Variants in PRKCA observed in about 807,000 individuals in gnomAD.
PRKCA encodes protein kinase C alpha.
PRKCA carries 27 observed loss-of-function variants against 87.0 expected under a neutral mutation model. That is an observed-to-expected ratio of 0.31 (90% CI 0.23 to 0.43). PRKCA has a LOEUF of 0.43. Ranked by LOEUF, PRKCA falls within the 20% of genes least tolerant of loss-of-function variation. PRKCA has a pLI of 1.00. For missense variants in PRKCA, 518 were observed against 852.3 expected, an observed-to-expected ratio of 0.61 and a Z score of 4.88; for synonymous variants, 329 against 311.1, an observed-to-expected ratio of 1.06 and a Z score of -0.61.
rs60533049 is a variant in PRKCA, at chr17:66,528,221, CAAA to C, written c.288+31959_288+31961del. 2.8e-3 allele frequency among the ~76,000 whole-genome samples: 238 copies of C among 85,878 alleles called. 2 individuals are homozygous for C. Among genetic ancestry groups the C allele is most frequent in the South Asian group, 0.023 (60 of 2,650 alleles). The allele number at this position is 85,878 out of a possible 152,430, so 56.3% of individuals were successfully genotyped here. ...TGACAGAGCAAACGAAACTCTGTCT[CAAA>C]AAAAAAAAAAAAAAAAAAAAGATGC... On this transcript the variant is annotated intron_variant, in intron 3 of 16. Coordinates refer to ENST00000413366, the MANE Select transcript of PRKCA (RefSeq NM_002737.3).
chr17:66,458,572 C>G, intron 2 of PRKCA, among the ~76,000 whole-genome samples: 1 of 152,064 alleles, frequency 6.6e-6, no homozygotes, highest in African/African-American at 2.4e-5. Context: ...CCTCCACTTC[C>G]TGGGCTCAAG....
At chr17:66,355,493 G>A (rs117488476) in intron 2 of PRKCA, among the ~76,000 whole-genome samples, 4,019 of 152,092 alleles carry the variant, frequency 0.026, 61 homozygotes, top group Non-Finnish European at 0.04. Context: ...CGGGTGCATG[G>A]GTGTGTGTTA....
At chr17:66,751,842 A>G (rs1055973616) in intron 13 of PRKCA, among the ~76,000 whole-genome samples, 1 of 152,210 alleles carries the variant, frequency 6.6e-6, no homozygotes, top group Non-Finnish European at 1.5e-5. Context: ...GGAAGCAGGC[A>G]CATCTTCCAT....
At chr17:66,652,358 A>G (rs1971611199) in intron 5 of PRKCA, among the ~76,000 whole-genome samples, 1 of 152,190 alleles carries the variant, frequency 6.6e-6, no homozygotes, top group South Asian at 2.1e-4. Flanking sequence ...AGCTGTAAAG[A>G]ACATTTTGGG....
intron 2 of PRKCA, chr17:66,416,726 ACT>A (rs1912175579): frequency 6.6e-6 from 1 of 152,096 alleles, no homozygotes; most frequent in South Asian, 2.1e-4. Flanking sequence ...TGGCAGCCTG[ACT>A]CTGAAGCCTG....
intron 3 of PRKCA, among the ~76,000 whole-genome samples, chr17:66,536,487 T>C (rs1462568029): frequency 6.6e-6 from 1 of 152,198 alleles, no homozygotes; most frequent in Non-Finnish European, 1.5e-5. Context: ...GATTAAAATA[T>C]CTGAAATATT....
intron 8 of PRKCA, among the ~76,000 whole-genome samples, chr17:66,715,863 C>G (rs1267906079): frequency 2.0e-5 from 3 of 152,126 alleles, no homozygotes; most frequent in Non-Finnish European, 4.4e-5. Context: ...AAGATCCCAG[C>G]CAAACTGCAG....
chr17:66,687,225 T>C lies in PRKCA; in HGVS notation c.644T>C (p.Ile215Thr). The C allele has an allele frequency of 6.2e-7, 1 of 1,614,058 alleles. No homozygotes were observed. The highest frequency in any genetic ancestry group is 8.5e-7 in the Non-Finnish European group (1 of 1,179,994). ...KNESKQKTKT[I>T]RSTLNPQWNE... ...GAAAGCAAGCAAAAAACCAAAACCA[T>C]CCGCTCCACACTAAATCCGCAGTGG... Residue 215 changes from isoleucine to threonine, a missense_variant, in exon 6 of 17, where the codon ATC becomes ACC. Ile to Thr is a moderately conservative substitution (Grantham distance 89). Transcript: ENST00000413366.
chr17:66,562,681 C>G (rs1055779461), intron 3 of PRKCA, among the ~76,000 whole-genome samples: 2 of 152,064 alleles, frequency 1.3e-5, no homozygotes, highest in African/African-American at 4.8e-5. Context: ...ACTGCAACCT[C>G]CATCTCCTGG....
chr17:66,698,977 TAAAAA>T (rs927919953), intron 8 of PRKCA, among the ~76,000 whole-genome samples: 1 of 148,402 alleles, frequency 6.7e-6, no homozygotes, highest in Non-Finnish European at 1.5e-5. Context: ...GAGACTGTCT[TAAAAA>T]AAAGAAAAAA....
At chr17:66,328,061 G>A (rs1906091988) in intron 2 of PRKCA, among the ~76,000 whole-genome samples, 1 of 152,190 alleles carries the variant, frequency 6.6e-6, no homozygotes, top group African/African-American at 2.4e-5. Context: ...CGTCTCTCCT[G>A]AGAAGATAAC....
intron 3 of PRKCA, among the ~76,000 whole-genome samples, chr17:66,594,513 A>G (rs1969913413): frequency 6.6e-6 from 1 of 152,186 alleles, no homozygotes. Flanking sequence ...AATGAAGGGC[A>G]AACTCAGGCA....
intron 2 of PRKCA, among the ~76,000 whole-genome samples, chr17:66,352,919 A>G (rs1464125302): frequency 6.6e-6 from 1 of 152,088 alleles, no homozygotes; most frequent in Non-Finnish European, 1.5e-5. Context: ...TGGTATATGA[A>G]GGGTGTTCTT....
At chr17:66,349,963 TA>T (rs139309260) in intron 2 of PRKCA, among the ~76,000 whole-genome samples, 2 of 150,636 alleles carry the variant, frequency 1.3e-5, no homozygotes, top group Admixed American at 6.6e-5. Flanking sequence ...TTACAGAGGT[TA>T]AAAAAAAAGT....
intron 8 of PRKCA, among the ~76,000 whole-genome samples, chr17:66,698,534 A>G (rs1414107514): frequency 1.3e-5 from 2 of 152,334 alleles, no homozygotes; most frequent in African/African-American, 4.8e-5. Context: ...CAGCTCATTT[A>G]TAATTACCAA....
intron 2 of PRKCA, among the ~76,000 whole-genome samples, chr17:66,437,836 C>T (rs1400870471): frequency 1.3e-5 from 2 of 151,346 alleles, no homozygotes; most frequent in African/African-American, 2.4e-5. Context: ...AACTCATCTC[C>T]GTCTCTGTTT....
At chr17:66,628,337 A>G (rs1970915220) in intron 3 of PRKCA, among the ~76,000 whole-genome samples, 1 of 152,116 alleles carries the variant, frequency 6.6e-6, no homozygotes, top group Admixed American at 6.5e-5. Flanking sequence ...AATCACCTGA[A>G]TGTTTAGGAA....
At chr17:66,551,602 A>G (rs1968333426) in intron 3 of PRKCA, among the ~76,000 whole-genome samples, 3 of 152,148 alleles carry the variant, frequency 2.0e-5, no homozygotes, top group Admixed American at 2.0e-4. Context: ...GCTATATTCC[A>G]TATACTTGAA....
chr17:66,741,787 C>A, intron 12 of PRKCA, 66 bp downstream of exon 12: 2 of 1,512,324 alleles, frequency 1.3e-6, no homozygotes, highest in South Asian at 1.1e-5. Flanking sequence ...GTGGGCATGT[C>A]ATTCTGGAAT....
Sources: gnomAD v4.1 joint callset for allele counts (sites outside exome capture counted in the v4.1 genomes callset) on GRCh38, gnomAD v4.1.1 for gene constraint, MANE v1.5 for transcripts, NCBI Gene and HGNC (gene_info 2026-07-23, HGNC 2026-07-21) for gene names.